PDE9A: variants seen among roughly 807,000 people sequenced by gnomAD.
PDE9A encodes the protein high affinity cGMP-specific 3',5'-cyclic phosphodiesterase 9A.
In PDE9A, 60 loss-of-function variants were observed where a neutral mutation model predicts 87.4. The observed-to-expected ratio is 0.69, with a 90% CI of 0.56 to 0.85. The LOEUF (loss-of-function observed/expected upper bound fraction) is 0.85. Ranked by LOEUF, PDE9A falls within the 40% of genes least tolerant of loss-of-function variation. The pLI, the probability that PDE9A is intolerant of heterozygous loss-of-function variation, is 0.00. For missense variants in PDE9A, 665 were observed against 779.0 expected, an observed-to-expected ratio of 0.85 and a Z score of 1.74; for synonymous variants, 272 against 279.4, an observed-to-expected ratio of 0.97 and a Z score of 0.27.
intron 1 of PDE9A, among the ~76,000 whole-genome samples, chr21:42,684,093 C>G (rs965641425): frequency 6.6e-6 from 1 of 152,250 alleles, no homozygotes; most frequent in Non-Finnish European, 1.5e-5. Flanking sequence ...ACGCAGATTC[C>G]TAGGGCCCAA....
chr21:42,726,592 CCATATATATATATA>C lies in PDE9A; in HGVS notation c.263-5177_263-5164del, dbSNP rs1320656809. On this transcript the variant is annotated intron_variant, in intron 4 of 19. Coordinates refer to ENST00000291539, the MANE Select transcript of PDE9A (RefSeq NM_002606.3). Reference sequence around the variant, plus strand: ...TATTACTGAATGCCACCACGCCTGGCCATATATATATATATATATATATATATATATATTTTTTT... The same window carrying C: ...TATTACTGAATGCCACCACGCCTGGCTATATATATATATATATATTTTTTT... Among the ~76,000 whole-genome samples, 76 of 74,218 alleles carry C rather than the reference CCATATATATATATA, an allele frequency of 1.0e-3. 2 individuals are homozygous for C. The highest frequency in any genetic ancestry group is 3.2e-3 in the African/African-American group (44 of 13,934). 48.7% of individuals were successfully genotyped at this position (74,218 alleles called of 152,430 possible). A position where few individuals can be genotyped will look rare whatever the true frequency, so the allele number is the denominator to read the frequency against.
chr21:42,653,851 A>G lies in PDE9A; in HGVS notation c.37A>G (p.Ile13Val), dbSNP rs1306112517. The G allele has an allele frequency of 2.4e-5, 37 of 1,567,998 alleles. No homozygotes were observed. Among genetic ancestry groups the G allele is most frequent in the Non-Finnish European group, 2.9e-5 (33 of 1,157,678 alleles). The change falls in exon 1 of 20, where the codon ATC becomes GTC. Residue 13 changes from isoleucine (I) to valine (V), a missense_variant. Ile to Val is a conservative substitution (Grantham distance 29). Coordinates refer to ENST00000291539, the MANE Select transcript of PDE9A (RefSeq NM_002606.3). Reference protein sequence around the residue: ...SGSSSYRPKAIYLDIDGRIQK... With the variant: ...SGSSSYRPKAVYLDIDGRIQK... ...CTCCTCCAGCTACCGGCCCAAGGCC[A>G]TCTACCTGGACATCGATGGACGCAT...
intron 4 of PDE9A, 123 bp from the exon 5 acceptor site, chr21:42,731,647 G>A (rs970402984): frequency 2.2e-5 from 22 of 996,614 alleles, no homozygotes; most frequent in Admixed American, 1.6e-4. Context: ...TGAGAACACC[G>A]TGTTCTGAAT....
intron 3 of PDE9A, among the ~76,000 whole-genome samples, chr21:42,689,199 C>T (rs1002308138): frequency 3.9e-5 from 6 of 152,222 alleles, no homozygotes; most frequent in Non-Finnish European, 8.8e-5. Flanking sequence ...TCAGCGAGGT[C>T]CCAGTGGACG....
At chr21:42,679,823 GT>G (rs1162724608) in intron 1 of PDE9A, among the ~76,000 whole-genome samples, 1 of 152,236 alleles carries the variant, frequency 6.6e-6, no homozygotes, top group African/African-American at 2.4e-5. Flanking sequence ...CTGGGCATGG[GT>G]TTCGCAGCCC....
intron 8 of PDE9A, among the ~76,000 whole-genome samples, chr21:42,745,890 C>T (rs2053795578): frequency 6.6e-6 from 1 of 152,206 alleles, no homozygotes; most frequent in Non-Finnish European, 1.5e-5. Flanking sequence ...CCCTGAACAG[C>T]GGCCTCTGGG....
At chr21:42,668,905 G>C (rs76676526) in intron 1 of PDE9A, among the ~76,000 whole-genome samples, 18,454 of 108,304 alleles carry the variant, frequency 0.17, 3,696 homozygotes, top group African/African-American at 0.4. Flanking sequence ...TCCACCCCCC[G>C]CCACGTCCCA....
At chr21:42,725,231 T>C (rs946774339) in intron 4 of PDE9A, among the ~76,000 whole-genome samples, 1 of 151,982 alleles carries the variant, frequency 6.6e-6, no homozygotes, top group Non-Finnish European at 1.5e-5. Context: ...CTCTCTTTTT[T>C]GTTTTTGTTT....
At position 42,692,934 on chromosome 21, in the gene PDE9A, C is replaced by G. The variant is rs965189162; in HGVS notation, c.218+4940C>G. On this transcript the variant is annotated intron_variant, in intron 3 of 19. Coordinates refer to ENST00000291539, the MANE Select transcript of PDE9A (RefSeq NM_002606.3). This position sits in a 1 kb window ranked among gnomAD's most constrained non-coding sequence, Gnocchi z 4.3. ...AATGCTCACCGTTTCTCTCCCGCCC[C>G]CCGGCCGCATGCTGCAGCCATTCCC... 6.6e-6 allele frequency among the ~76,000 whole-genome samples: 1 copy of G among 152,226 alleles called. No homozygotes were observed. Among genetic ancestry groups the G allele is most frequent in the African/African-American group, 2.4e-5 (1 of 41,472 alleles).
chr21:42,684,797 T>G (rs2059356927), intron 1 of PDE9A, among the ~76,000 whole-genome samples: 1 of 152,100 alleles, frequency 6.6e-6, no homozygotes, highest in African/African-American at 2.4e-5. Flanking sequence ...ACAGGCCACC[T>G]TTGACCGACC....
At chr21:42,721,589 T>G (rs1004085923) in intron 4 of PDE9A, among the ~76,000 whole-genome samples, 3 of 152,208 alleles carry the variant, frequency 2.0e-5, no homozygotes, top group Non-Finnish European at 2.9e-5. Context: ...TTTTATGATG[T>G]CCATAAACAG....
At chr21:42,679,643 C>T (rs1210263014) in intron 1 of PDE9A, among the ~76,000 whole-genome samples, 1 of 152,118 alleles carries the variant, frequency 6.6e-6, no homozygotes, top group African/African-American at 2.4e-5. Flanking sequence ...AGGGACCCTT[C>T]CCACAACCTC....
chr21:42,659,194 G>A lies in PDE9A; in HGVS notation c.69+5311G>A, dbSNP rs563969979. Reference sequence around the variant, plus strand: ...CTGGCCTCCACACTCCTTCCCATTGGTGTGGTCCGAATTCCCCTTTAGCCA... The same window carrying A: ...CTGGCCTCCACACTCCTTCCCATTGATGTGGTCCGAATTCCCCTTTAGCCA... On this transcript the variant is annotated intron_variant, in intron 1 of 19. Coordinates refer to ENST00000291539, the MANE Select transcript of PDE9A (RefSeq NM_002606.3). This position sits in a 1 kb window ranked among gnomAD's most constrained non-coding sequence, Gnocchi z 4.1. Among the ~76,000 whole-genome samples, 1 of 152,298 alleles carries A rather than the reference G, an allele frequency of 6.6e-6. No individual in the cohort carries two copies. Among genetic ancestry groups the A allele is most frequent in the South Asian group, 2.1e-4 (1 of 4,828 alleles).
chr21:42,731,509 C>A (rs140412613), intron 4 of PDE9A, among the ~76,000 whole-genome samples: 1 of 152,236 alleles, frequency 6.6e-6, no homozygotes, highest in African/African-American at 2.4e-5. Context: ...AACAGGAAGA[C>A]AAGCAGGTTC....
intron 4 of PDE9A, among the ~76,000 whole-genome samples, chr21:42,727,772 T>TTTG (rs373936927): frequency 2.6e-5 from 4 of 152,200 alleles, no homozygotes; most frequent in Non-Finnish European, 4.4e-5. Context: ...GTTGTGTTTT[T>TTTG]TTGTTGTTGT....
chr21:42,775,341 C>A lies in PDE9A; in HGVS notation c.*48C>A. 1 of 1,592,110 alleles carries A rather than the reference C, an allele frequency of 6.3e-7. No individual in the cohort carries two copies. The highest frequency in any genetic ancestry group is 2.3e-5 in the East Asian group (1 of 43,770). On this transcript the variant is annotated 3_prime_UTR_variant, in exon 20 of 20. Coordinates refer to ENST00000291539, the MANE Select transcript of PDE9A (RefSeq NM_002606.3). ...AGTTCTGGACGGGCTGGCCGAGCTG[C>A]GCGGGATCCTTGTGCAGGGAAGAGC... is the stretch of plus-strand genomic sequence containing the variant.
intron 17 of PDE9A, among the ~76,000 whole-genome samples, chr21:42,769,654 G>A (rs1569280289): frequency 9.6e-5 from 4 of 41,718 alleles, no homozygotes; most frequent in Non-Finnish European, 1.7e-4. Flanking sequence ...GGACACACAG[G>A]CACACATAGG....
chr21:42,727,326 G>C, intron 4 of PDE9A, among the ~76,000 whole-genome samples: 1 of 151,840 alleles, frequency 6.6e-6, no homozygotes, highest in Admixed American at 6.6e-5. Flanking sequence ...AATGGTACTG[G>C]TGTTTGTTTG....
At chr21:42,769,573 CACAT>C (rs1354510168) in intron 17 of PDE9A, among the ~76,000 whole-genome samples, 3 of 129,928 alleles carry the variant, frequency 2.3e-5, no homozygotes, top group Non-Finnish European at 3.3e-5. Context: ...CACACACACA[CACAT>C]GCACACAGGT....
Sources: gnomAD v4.1 joint callset for allele counts (sites outside exome capture counted in the v4.1 genomes callset) on GRCh38, gnomAD v4.1.1 for gene constraint, Gnocchi (gnomAD v3.1) non-coding constraint, MANE v1.5 for transcripts, NCBI Gene and HGNC (gene_info 2026-07-23, HGNC 2026-07-21) for gene names.